Variants in ZNF804B observed in about 807,000 individuals in gnomAD.
The protein encoded by ZNF804B is zinc finger protein 804B, also known as zinc finger 804B.
In ZNF804B, 80 loss-of-function variants were observed where a neutral mutation model predicts 101.4. The observed-to-expected ratio is 0.79, with a 90% confidence interval of 0.66 to 0.95. The LOEUF (loss-of-function observed/expected upper bound fraction) is 0.95, where lower values mean the gene tolerates loss of function less well. Ranked by LOEUF, ZNF804B falls within the 40% of genes least tolerant of loss-of-function variation. The pLI, the probability that ZNF804B is intolerant of heterozygous loss-of-function variation, is 0.00. For missense variants in ZNF804B, 1,673 were observed against 1,561.9 expected, an observed-to-expected ratio of 1.07 and a Z score of -1.20; for synonymous variants, 622 against 558.8, an observed-to-expected ratio of 1.11 and a Z score of -1.59.
intron 1 of ZNF804B, among the ~76,000 whole-genome samples, chr7:89,182,139 C>T (rs971528793): frequency 3.3e-5 from 5 of 152,082 alleles, no homozygotes; most frequent in African/African-American, 1.2e-4. Context: ...GGTATGCTAC[C>T]TAATCATAGA....
chr7:88,816,210 C>T (rs1220567699), intron 1 of ZNF804B, among the ~76,000 whole-genome samples: 1 of 152,130 alleles, frequency 6.6e-6, no homozygotes, highest in African/African-American at 2.4e-5. Context: ...GTTCCAAATC[C>T]CCTTTGCTGT....
At chr7:88,937,096 GA>G (rs1792983412) in intron 1 of ZNF804B, among the ~76,000 whole-genome samples, 1 of 91,494 alleles carries the variant, frequency 1.1e-5, no homozygotes, top group South Asian at 3.4e-4. Flanking sequence ...TAAATGCTTT[GA>G]AAAAACTATG....
intron 1 of ZNF804B, among the ~76,000 whole-genome samples, chr7:88,909,862 C>T (rs888628175): frequency 6.6e-6 from 1 of 151,554 alleles, no homozygotes; most frequent in Non-Finnish European, 1.5e-5. Context: ...TCCTAATTAC[C>T]TTTATGTCCA....
chr7:89,092,415 T>G (rs937419047), intron 1 of ZNF804B, among the ~76,000 whole-genome samples: 17 of 127,442 alleles, frequency 1.3e-4, no homozygotes, highest in Admixed American at 7.5e-5. Flanking sequence ...TCTGTTTTTT[T>G]TTTTTTTTTT....
chr7:88,848,638 T>A (rs867327792), intron 1 of ZNF804B, among the ~76,000 whole-genome samples: 1 of 151,562 alleles, frequency 6.6e-6, no homozygotes, highest in Non-Finnish European at 1.5e-5. Context: ...TTTTTTTTTT[T>A]TAAAAAACGT....
rs1175306225 is a variant in ZNF804B, at chr7:88,778,285, G to C, written c.108+18201G>C. Among the ~76,000 whole-genome samples, 3 of 152,048 alleles carry C rather than the reference G, an allele frequency of 2.0e-5. No homozygotes were observed. The East Asian group carries it at 5.8e-4, about 29-fold the overall frequency. The stretch of plus-strand genomic sequence containing the variant: ...GCCATCTTTATGATTCTCTGTATTG[G>C]GAAAAACTCTTTGCTTTAAATAACT... On this transcript the variant is annotated intron_variant, in intron 1 of 3. Transcript: ENST00000333190.
At chr7:88,916,582 T>TG (rs1156326046) in intron 1 of ZNF804B, among the ~76,000 whole-genome samples, 1 of 152,152 alleles carries the variant, frequency 6.6e-6, no homozygotes, top group African/African-American at 2.4e-5. Flanking sequence ...GTAAACATCA[T>TG]GGGTTGCTGA....
At chr7:88,888,188 C>T (rs1332439965) in intron 1 of ZNF804B, among the ~76,000 whole-genome samples, 3 of 152,010 alleles carry the variant, frequency 2.0e-5, no homozygotes, top group Non-Finnish European at 2.9e-5. Context: ...GTCAGGACTT[C>T]GAGACCAGTC....
chr7:89,050,682 T>G (rs1401123744), intron 1 of ZNF804B, among the ~76,000 whole-genome samples: 1 of 152,154 alleles, frequency 6.6e-6, no homozygotes, highest in Non-Finnish European at 1.5e-5. Context: ...TTGAAAGACC[T>G]TCCAAGAAAA....
intron 1 of ZNF804B, among the ~76,000 whole-genome samples, chr7:88,792,882 T>G (rs1272732115): frequency 6.6e-6 from 1 of 152,068 alleles, no homozygotes; most frequent in Non-Finnish European, 1.5e-5. Flanking sequence ...CCCTAAAATT[T>G]GATTCTGTTA....
Position 89,334,255 on chromosome 7 carries a change from C to G in ZNF804B, c.1273C>G (p.Gln425Glu), listed in dbSNP as rs1362568041. The G allele has an allele frequency of 2.5e-6, 4 of 1,613,484 alleles. No individual in the cohort carries two copies. Among genetic ancestry groups the G allele is most frequent in the African/African-American group, 1.3e-5 (1 of 74,870 alleles). The stretch of plus-strand genomic sequence containing the variant: ...AACAGAAAGAGTTAGCAAAAATGTT[C>G]AAAGACTTGTAAAAGAAGCATGTAC... Reference protein sequence around the residue: ...DKTERVSKNVQRLVKEACTHN... With the variant: ...DKTERVSKNVERLVKEACTHN... The change falls in exon 4 of 4, where the codon CAA becomes GAA. Residue 425 changes from glutamine to glutamate, a missense_variant. Coordinates refer to ENST00000333190, the MANE Select transcript of ZNF804B (RefSeq NM_181646.5).
intron 1 of ZNF804B, among the ~76,000 whole-genome samples, chr7:89,153,148 A>T (rs1454550294): frequency 2.6e-5 from 4 of 152,016 alleles, no homozygotes; most frequent in Non-Finnish European, 2.9e-5. Context: ...AGGAAAACTG[A>T]CCAGATGACC....
intron 1 of ZNF804B, among the ~76,000 whole-genome samples, chr7:88,962,832 A>C (rs2116093578): frequency 6.7e-6 from 1 of 149,318 alleles, no homozygotes; most frequent in Admixed American, 6.7e-5. Flanking sequence ...TTAGCTTAGT[A>C]GTTTTTTTCT....
At chr7:88,852,848 C>A (rs779533740) in intron 1 of ZNF804B, among the ~76,000 whole-genome samples, 3 of 152,098 alleles carry the variant, frequency 2.0e-5, no homozygotes, top group Non-Finnish European at 4.4e-5. Flanking sequence ...AGGTTATGCA[C>A]TTTATCCCAA....
At chr7:89,078,286 T>C (rs1250767302) in intron 1 of ZNF804B, among the ~76,000 whole-genome samples, 1 of 152,042 alleles carries the variant, frequency 6.6e-6, no homozygotes, top group Non-Finnish European at 1.5e-5. Flanking sequence ...TCAGTATATT[T>C]TGTGCTAGGA....
chr7:89,099,271 A>G (rs894550179), intron 1 of ZNF804B, among the ~76,000 whole-genome samples: 5 of 152,110 alleles, frequency 3.3e-5, no homozygotes, highest in Admixed American at 3.3e-4. Context: ...CTTGAAATCT[A>G]GAGCTCTTTC....
intron 1 of ZNF804B, among the ~76,000 whole-genome samples, chr7:89,126,842 G>A (rs1272003849): frequency 6.6e-6 from 1 of 151,928 alleles, no homozygotes; most frequent in Non-Finnish European, 1.5e-5. Flanking sequence ...AGTATACTGA[G>A]ATGGTAACAT....
At chr7:89,286,418 G>A (rs1790196750) in intron 2 of ZNF804B, among the ~76,000 whole-genome samples, 1 of 152,174 alleles carries the variant, frequency 6.6e-6, no homozygotes, top group South Asian at 2.1e-4. Context: ...AGCTGTGAAA[G>A]CCACCAAGCC....
At chr7:88,772,874 A>G (rs1473621098) in intron 1 of ZNF804B, among the ~76,000 whole-genome samples, 2 of 140,790 alleles carry the variant, frequency 1.4e-5, no homozygotes, top group African/African-American at 5.7e-5. Flanking sequence ...AGTCATAAGC[A>G]GAACTACTTT....
Sources: gnomAD v4.1 joint callset for allele counts (sites outside exome capture counted in the v4.1 genomes callset) on GRCh38, gnomAD v4.1.1 for gene constraint, MANE v1.5 for transcripts, NCBI Gene and HGNC (gene_info 2026-07-23, HGNC 2026-07-21) for gene names.